The following CNTNAP5 variants were observed in gnomAD, a reference collection of about 807,000 sequenced individuals.
The protein encoded by CNTNAP5 is contactin-associated protein-like 5.
CNTNAP5 carries 72 observed loss-of-function variants against 150.2 expected under a neutral mutation model. The observed-to-expected ratio is 0.48, with a 90% CI of 0.40 to 0.58. The LOEUF (loss-of-function observed/expected upper bound fraction) is 0.58. CNTNAP5 is among the 20% of genes least tolerant of loss of function. The probability of loss-of-function intolerance (pLI) is 0.00; values close to 1 mark genes in which losing one functional copy is unlikely to be tolerated. For missense variants in CNTNAP5, 1,636 were observed against 1,626.2 expected (o/e 1.01, Z -0.10); for synonymous variants, 672 against 619.8 (o/e 1.08, Z -1.25).
chr2:124,175,842 A>AC (rs1685051624), intron 1 of CNTNAP5, among the ~76,000 whole-genome samples: 1 of 152,168 alleles, frequency 6.6e-6, no homozygotes, highest in Non-Finnish European at 1.5e-5. Flanking sequence ...GCAGTCCACA[A>AC]CTGATGGGCA....
chr2:124,366,179 T>C (rs1690365964), intron 3 of CNTNAP5, among the ~76,000 whole-genome samples: 1 of 152,108 alleles, frequency 6.6e-6, no homozygotes, highest in Non-Finnish European at 1.5e-5. Context: ...GTCATCTCAG[T>C]CTCTTAATGT....
intron 3 of CNTNAP5, among the ~76,000 whole-genome samples, chr2:124,279,339 A>T (rs1301598795): frequency 6.6e-6 from 1 of 151,910 alleles, no homozygotes; most frequent in Non-Finnish European, 1.5e-5. Context: ...AAGTCATATG[A>T]TTGACAAGGG....
At chr2:124,277,572 A>G (rs1462218255) in intron 3 of CNTNAP5, among the ~76,000 whole-genome samples, 2 of 152,180 alleles carry the variant, frequency 1.3e-5, no homozygotes, top group East Asian at 3.9e-4. Flanking sequence ...TTCATTTCCA[A>G]GAGGTTTACT....
chr2:124,080,540 T>G (rs878926713), intron 1 of CNTNAP5, among the ~76,000 whole-genome samples: 1 of 152,192 alleles, frequency 6.6e-6, no homozygotes, highest in Admixed American at 6.5e-5. Flanking sequence ...AGTAGTCATT[T>G]CTGAATTGAT....
intron 12 of CNTNAP5, among the ~76,000 whole-genome samples, chr2:124,643,030 T>C (rs138075784): frequency 6.9e-4 from 105 of 152,290 alleles, no homozygotes; most frequent in African/African-American, 2.5e-3. Context: ...ATCTGAATCA[T>C]GAGATCATTG....
chr2:124,200,451 C>A (rs981458210), intron 1 of CNTNAP5, among the ~76,000 whole-genome samples: 1 of 151,968 alleles, frequency 6.6e-6, no homozygotes, highest in African/African-American at 2.4e-5. Flanking sequence ...TTAGACTAAC[C>A]TCAATAACTT....
rs141336253 is a variant in CNTNAP5, at chr2:124,826,791, G to A, written c.3217+28471G>A. ...ATTTCTGAAACACCCCTGAGATAGCGCTCACCTGAGCAGCAGGTAAATGTG... is the reference window on the plus strand; with the variant it reads ...ATTTCTGAAACACCCCTGAGATAGCACTCACCTGAGCAGCAGGTAAATGTG... On this transcript the variant is annotated intron_variant, in intron 19 of 23. Coordinates refer to ENST00000682447, the MANE Select transcript of CNTNAP5 (RefSeq NM_001367498.1). Among the ~76,000 whole-genome samples the A allele has an allele frequency of 5.3e-5, 8 of 152,200 alleles. No individual in the cohort carries two copies. The East Asian group carries it at 9.7e-4, about 18-fold the overall frequency.
intron 11 of CNTNAP5, among the ~76,000 whole-genome samples, chr2:124,572,877 A>G (rs371223814): frequency 8.0e-4 from 122 of 152,290 alleles, no homozygotes; most frequent in African/African-American, 2.9e-3. Flanking sequence ...TTTTGCAGCT[A>G]TTACTTCTTT....
chr2:124,643,060 G>A (rs550285633), intron 12 of CNTNAP5, among the ~76,000 whole-genome samples: 1 of 152,276 alleles, frequency 6.6e-6, no homozygotes, highest in South Asian at 2.1e-4. Flanking sequence ...CCAACCCACT[G>A]TGCTGAATGC....
intron 13 of CNTNAP5, among the ~76,000 whole-genome samples, chr2:124,705,506 T>A (rs1272269575): frequency 1.3e-5 from 2 of 151,516 alleles, no homozygotes; most frequent in Non-Finnish European, 2.9e-5. Context: ...ACAGCCTGAG[T>A]GACAGAGAGA....
chr2:124,502,081 A>G (rs780065239), intron 7 of CNTNAP5, among the ~76,000 whole-genome samples: 7 of 152,172 alleles, frequency 4.6e-5, no homozygotes, highest in Non-Finnish European at 8.8e-5. Context: ...TGCATTTCAA[A>G]GTTTTCCTGC....
chr2:124,858,181 C>T (rs1402111261), intron 19 of CNTNAP5, among the ~76,000 whole-genome samples: 1 of 152,134 alleles, frequency 6.6e-6, no homozygotes, highest in Non-Finnish European at 1.5e-5. Context: ...TCCTATTCAA[C>T]ACAGTGTTGG....
chr2:124,632,453 A>G (rs1677883806), intron 12 of CNTNAP5, among the ~76,000 whole-genome samples: 1 of 152,172 alleles, frequency 6.6e-6, no homozygotes, highest in Non-Finnish European at 1.5e-5. Context: ...TAATTCAGGA[A>G]CAGAAAACCA....
intron 6 of CNTNAP5, among the ~76,000 whole-genome samples, chr2:124,454,412 C>T (rs1428579982): frequency 2.6e-5 from 4 of 152,098 alleles, no homozygotes; most frequent in Non-Finnish European, 4.4e-5. Context: ...ACAATTACTA[C>T]TAGACCTAAC....
At chr2:124,706,026 C>T (rs917683689) in intron 13 of CNTNAP5, among the ~76,000 whole-genome samples, 2 of 152,136 alleles carry the variant, frequency 1.3e-5, no homozygotes, top group African/African-American at 4.8e-5. Context: ...CTCATCTCTC[C>T]TACCTGAATT....
At chr2:124,284,395 T>A (rs1558833904) in intron 3 of CNTNAP5, among the ~76,000 whole-genome samples, 1 of 152,032 alleles carries the variant, frequency 6.6e-6, no homozygotes, top group Non-Finnish European at 1.5e-5. Context: ...GGGGCTAGGT[T>A]GGCCAGAAGC....
chr2:124,435,073 A>C (rs189600810), intron 5 of CNTNAP5, among the ~76,000 whole-genome samples: 1 of 152,186 alleles, frequency 6.6e-6, no homozygotes, highest in East Asian at 1.9e-4. Flanking sequence ...ACGGGGAAAC[A>C]TTTTGGTTGC....
At chr2:124,504,118 A>G (rs967978325) in intron 7 of CNTNAP5, among the ~76,000 whole-genome samples, 174 bp from the exon 8 acceptor site, 10 of 152,096 alleles carry the variant, frequency 6.6e-5, no homozygotes, top group African/African-American at 2.4e-4. Context: ...TGAGCGGAAA[A>G]CGATCTTGTG....
intron 3 of CNTNAP5, among the ~76,000 whole-genome samples, chr2:124,350,036 A>C (rs1240387661): frequency 2.6e-5 from 4 of 151,330 alleles, no homozygotes; most frequent in African/African-American, 9.7e-5. Context: ...AGGCACCCAC[A>C]ACCATGCCCA....
Sources: allele counts gnomAD v4.1 joint callset (sites outside exome capture counted in the v4.1 genomes callset), GRCh38; gene constraint gnomAD v4.1.1; transcripts MANE v1.5; gene names NCBI Gene and HGNC (gene_info 2026-07-23, HGNC 2026-07-21).